The following C10orf90 variants were observed in gnomAD, a reference collection of about 807,000 sequenced individuals.
C10orf90 encodes (E2-independent) E3 ubiquitin-conjugating enzyme FATS.
A neutral mutation model predicts 62.5 loss-of-function variants in C10orf90; 56 were observed. The ratio of observed to expected loss-of-function variants is 0.90; its 90% confidence interval spans 0.72 to 1.12. C10orf90 has a LOEUF of 1.12. C10orf90 is among the 50% of genes most tolerant of loss of function. The pLI is 0.00. For synonymous variants in C10orf90, 386 were observed against 340.4 expected (o/e 1.13, Z -1.47); for missense variants, 970 against 880.4 (o/e 1.10, Z -1.29).
chr10:126,610,030 GC>G (rs1171585390), intron 2 of C10orf90, among the ~76,000 whole-genome samples: 1 of 152,118 alleles, frequency 6.6e-6, no homozygotes, highest in Non-Finnish European at 1.5e-5. Context: ...TCCTCCAGGG[GC>G]CCTCAGGATC....
intron 2 of C10orf90, chr10:126,521,000 C>T: frequency 3.4e-6 from 1 of 292,644 alleles, no homozygotes. Context: ...CCAATAAGGT[C>T]ACATTCACAG....
At chr10:126,490,036 ATATATAT>A (rs1189445726) in intron 4 of C10orf90, among the ~76,000 whole-genome samples, 22 of 93,236 alleles carry the variant, frequency 2.4e-4, no homozygotes, top group African/African-American at 8.6e-4. Flanking sequence ...ATAATATATA[ATATATAT>A]TATATATTAT....
chr10:126,595,562 G>A (rs556972296), intron 2 of C10orf90, among the ~76,000 whole-genome samples: 1 of 152,276 alleles, frequency 6.6e-6, no homozygotes, highest in Non-Finnish European at 1.5e-5. Context: ...GTGGAGGTGG[G>A]GCAGAGGAAG....
At chr10:126,506,996 G>A (rs1862776313) in intron 3 of C10orf90, among the ~76,000 whole-genome samples, 1 of 151,976 alleles carries the variant, frequency 6.6e-6, no homozygotes. Context: ...TCAGAGTCAG[G>A]CATGGGAAGA....
At chr10:126,616,457 A>T (rs2842161) in intron 2 of C10orf90, among the ~76,000 whole-genome samples, 1 of 151,948 alleles carries the variant, frequency 6.6e-6, no homozygotes, top group South Asian at 2.1e-4. Flanking sequence ...TCCAGAGAGC[A>T]TTGCTACCAA....
In C10orf90 at chr10:126,504,423, C is replaced by G. The variant is rs146720471; in HGVS notation, c.1068G>C (p.Gln356His). 3.0e-5 allele frequency: 49 copies of G among 1,614,108 alleles called. No individual in the cohort carries two copies. In the Middle Eastern group the frequency reaches 4.9e-4, roughly 16 times the overall value. ...SSCVHLRVSQQCPDSIYYVDK... is the reference protein window; with the variant it reads ...SSCVHLRVSQHCPDSIYYVDK... ...CTACGTAATAGATTGAATCTGGACA[C>G]TGCTGAGACACCCTGAGGTGGACAC... The change falls in exon 4 of 10, where the codon CAG (glutamine) becomes CAC (histidine). Residue 356 changes from glutamine to histidine, a missense_variant. Coordinates refer to ENST00000488181, the MANE Select transcript of C10orf90 (RefSeq NM_001350921.2). This position sits in a 1 kb window ranked among gnomAD's most constrained non-coding sequence, Gnocchi z 4.1.
chr10:126,623,164 G>A (rs1237708147), intron 2 of C10orf90, among the ~76,000 whole-genome samples: 1 of 152,088 alleles, frequency 6.6e-6, no homozygotes, highest in Non-Finnish European at 1.5e-5. Context: ...CCAAGTCAGA[G>A]CAAGGCTTTC....
intron 2 of C10orf90, among the ~76,000 whole-genome samples, chr10:126,626,809 T>G (rs976726457): frequency 6.6e-6 from 1 of 152,168 alleles, no homozygotes; most frequent in African/African-American, 2.4e-5. Context: ...CCTTGATTTT[T>G]AAGTGAAGGT....
intron 2 of C10orf90, chr10:126,521,360 A>T (rs886589786): frequency 6.2e-7 from 1 of 1,613,730 alleles, no homozygotes; most frequent in Admixed American, 1.7e-5. Context: ...TCAGTTTCAA[A>T]GGTCTTTTAA....
At chr10:126,487,620 T>C (rs992138140) in intron 4 of C10orf90, among the ~76,000 whole-genome samples, 2 of 152,118 alleles carry the variant, frequency 1.3e-5, no homozygotes, top group African/African-American at 4.8e-5. Context: ...GTTTTTAGGA[T>C]TTCCACTTTC....
chr10:126,617,456 A>T (rs1346107604), intron 2 of C10orf90, among the ~76,000 whole-genome samples: 1 of 152,184 alleles, frequency 6.6e-6, no homozygotes, highest in Non-Finnish European at 1.5e-5. Context: ...ACTGGCTTGG[A>T]TTCTTCCAAA....
chr10:126,555,678 C>A (rs1864750055), intron 2 of C10orf90, among the ~76,000 whole-genome samples: 1 of 63,482 alleles, frequency 1.6e-5, no homozygotes, highest in Admixed American at 1.6e-4. Flanking sequence ...GACTCTATCT[C>A]AGTAAATAAA....
Position 126,607,560 on chromosome 10 carries a change from G to A in C10orf90, c.313+39005C>T, listed in dbSNP as rs186179844. The stretch of plus-strand genomic sequence containing the variant: ...AAATTAGAATTTTGAGAACTTCTGC[G>A]TGCCTCCTTTATCCTGACAGATTCT... On this transcript the variant is annotated intron_variant, in intron 2 of 9. Coordinates refer to ENST00000488181, the MANE Select transcript of C10orf90 (RefSeq NM_001350921.2). 4.2e-3 allele frequency among the ~76,000 whole-genome samples: 637 copies of A among 152,220 alleles called. 6 individuals are homozygous for A. Among genetic ancestry groups the A allele is most frequent in the African/African-American group, 0.014 (578 of 41,530 alleles).
intron 7 of C10orf90, among the ~76,000 whole-genome samples, chr10:126,432,546 G>A (rs1564787939): frequency 6.6e-6 from 1 of 152,212 alleles, no homozygotes; most frequent in African/African-American, 2.4e-5. Context: ...AAGGGGGAAT[G>A]GAGAGGCAAG....
intron 3 of C10orf90, 102 bp from the exon 4 acceptor site, chr10:126,505,187 A>G: frequency 8.1e-7 from 1 of 1,227,182 alleles, no homozygotes; most frequent in Non-Finnish European, 1.1e-6. Flanking sequence ...CTGGGTTCAT[A>G]ACACTCAGAT....
chr10:126,448,452 C>T lies in C10orf90; in HGVS notation c.2188+10588G>A, dbSNP rs183107398. Among the ~76,000 whole-genome samples the T allele has an allele frequency of 2.6e-5, 4 of 152,186 alleles. No individual in the cohort carries two copies. In the East Asian group the frequency reaches 5.8e-4, roughly 22 times the overall value. ...AAGAAAGATCTCAAACAACCTACTG[C>T]TACACCTCAAGGGACTAATCAAGAA... On this transcript the variant is annotated intron_variant, in intron 7 of 9. Coordinates refer to ENST00000488181, the MANE Select transcript of C10orf90 (RefSeq NM_001350921.2).
chr10:126,454,976 C>T (rs1355689724), intron 7 of C10orf90, among the ~76,000 whole-genome samples: 1 of 152,044 alleles, frequency 6.6e-6, no homozygotes, highest in African/African-American at 2.4e-5. Flanking sequence ...TCTCCTGCCA[C>T]CTTCCCTTGG....
intron 7 of C10orf90, among the ~76,000 whole-genome samples, chr10:126,433,702 G>C (rs1857730025): frequency 6.6e-6 from 1 of 152,118 alleles, no homozygotes; most frequent in Non-Finnish European, 1.5e-5. Context: ...ACCTGCATGA[G>C]CTTTGTTTGA....
At chr10:126,473,159 G>T (rs1360747068) in intron 4 of C10orf90, among the ~76,000 whole-genome samples, 1 of 152,098 alleles carries the variant, frequency 6.6e-6, no homozygotes, top group Admixed American at 6.5e-5. Context: ...TACAACCACA[G>T]CTGCTTCAGC....
Sources: gnomAD v4.1 joint callset for allele counts (sites outside exome capture counted in the v4.1 genomes callset) on GRCh38, gnomAD v4.1.1 for gene constraint, Gnocchi (gnomAD v3.1) non-coding constraint, MANE v1.5 for transcripts, NCBI Gene and HGNC (gene_info 2026-07-23, HGNC 2026-07-21) for gene names.